Variants in NDRG4 observed in about 807,000 individuals in gnomAD.
NDRG4 encodes protein NDRG4.
In NDRG4, 38 loss-of-function variants were observed where a neutral mutation model predicts 55.8. The ratio of observed to expected loss-of-function variants is 0.68; its 90% CI spans 0.53 to 0.89. The LOEUF is 0.89. NDRG4 is among the 40% of genes least tolerant of loss of function. The pLI is 0.00. For synonymous variants in NDRG4, 190 were observed against 182.7 expected (o/e 1.04, Z -0.32); for missense variants, 455 against 468.6 (o/e 0.97, Z 0.27).
At chr16:58,500,034 G>T, upstream of NDRG4, 2 of 1,362,982 alleles carry the variant, frequency 1.5e-6, no homozygotes, top group Non-Finnish European at 1.9e-6. Context: ...CAATATGGGA[G>T]CTGGGGCTCC....
At chr16:58,500,071 C>A (rs2036869893), upstream of NDRG4, 1 of 1,478,760 alleles carries the variant, frequency 6.8e-7, no homozygotes, top group Non-Finnish European at 9.0e-7. Context: ...GCTCAGAAAC[C>A]CTGCGGGGAG....
At chr16:58,476,752 G>T (rs1385749022) in intron 1 of NDRG4, among the ~76,000 whole-genome samples, 1 of 152,132 alleles carries the variant, frequency 6.6e-6, no homozygotes, top group South Asian at 2.1e-4. Flanking sequence ...GAGATTAAGA[G>T]ACATTGGACT....
At chr16:58,510,389 A>C (rs2038645359) in intron 13 of NDRG4, among the ~76,000 whole-genome samples, 1 of 152,220 alleles carries the variant, frequency 6.6e-6, no homozygotes, top group East Asian at 1.9e-4. Flanking sequence ...ACTGAGGCCT[A>C]GGAGAATGGT....
intron 2 of NDRG4, chr16:58,494,890 TCTG>T: frequency 7.8e-7 from 1 of 1,283,914 alleles, no homozygotes; most frequent in Non-Finnish European, 1.1e-6. Flanking sequence ...AGAAATTGAG[TCTG>T]CTAAGGCCCC....
intron 1 of NDRG4, 149 bp downstream of exon 1, chr16:58,500,418 C>G (rs1327007124): frequency 1.9e-6 from 2 of 1,070,248 alleles, no homozygotes; most frequent in Non-Finnish European, 2.6e-6. Flanking sequence ...GAGACACGGC[C>G]AGAGTGCTCC....
intron 13 of NDRG4, 53 bp downstream of exon 13, chr16:58,509,405 G>C: frequency 6.3e-7 from 1 of 1,588,498 alleles, no homozygotes; most frequent in Admixed American, 1.7e-5. Context: ...TGGGCAGGCA[G>C]TGCTGGGGTT....
rs2039010936 is a variant in NDRG4, at chr16:58,513,540, T to A, written c.*1964T>A. On this transcript the variant is annotated 3_prime_UTR_variant, in exon 15 of 15. Coordinates refer to ENST00000570248, the MANE Select transcript of NDRG4 (RefSeq NM_001242835.2). ...GCTAGGAGAGGATGGTCTCCACCCA[T>A]CTTTCTATTTCCAGTACACGTCACA... 2 of 151,984 alleles carry A rather than the reference T, an allele frequency of 1.3e-5. No individual in the cohort carries two copies. The highest frequency in any genetic ancestry group is 2.9e-5 in the Non-Finnish European group (2 of 67,992). The allele number at this position is 151,984 out of a possible 1,614,324, so 9.4% of individuals were successfully genotyped here.
chr16:58,466,641 T>G (rs1023337416), intron 1 of NDRG4, among the ~76,000 whole-genome samples: 10 of 152,234 alleles, frequency 6.6e-5, no homozygotes, highest in African/African-American at 2.4e-4. Context: ...AACCTGGCCC[T>G]GGGAGACAAC....
intron 2 of NDRG4, 70 bp downstream of exon 2, chr16:58,503,973 C>G (rs777869296): frequency 1.3e-6 from 2 of 1,568,762 alleles, no homozygotes; most frequent in Non-Finnish European, 1.7e-6. Flanking sequence ...GCCCCCCACC[C>G]TCCCCACAGG....
chr16:58,487,556 T>C (rs906333820), intron 1 of NDRG4, among the ~76,000 whole-genome samples: 3 of 152,110 alleles, frequency 2.0e-5, no homozygotes, highest in Non-Finnish European at 4.4e-5. Context: ...ACAAATACTA[T>C]AATGGTATCC....
upstream of NDRG4, among the ~76,000 whole-genome samples, chr16:58,496,696 G>A (rs1049065750): frequency 1.3e-5 from 2 of 152,088 alleles, no homozygotes; most frequent in South Asian, 2.1e-4. Flanking sequence ...CGGACCTCCC[G>A]AGTGTTTCTA....
chr16:58,482,689 CTTCCTTCCTCCCTCCCTCCT>C (rs1202625290), intron 1 of NDRG4, among the ~76,000 whole-genome samples: 15 of 138,274 alleles, frequency 1.1e-4, no homozygotes, highest in African/African-American at 4.2e-4. Context: ...TCCTCCCTCC[CTTCCTTCCTCCCTCCCTCCT>C]TTCCTTCCTC....
At chr16:58,474,641 C>T (rs2033380922) in intron 1 of NDRG4, among the ~76,000 whole-genome samples, 1 of 152,142 alleles carries the variant, frequency 6.6e-6, no homozygotes, top group Non-Finnish European at 1.5e-5. Flanking sequence ...CCTCCAGCAC[C>T]CAGAAAGCTC....
chr16:58,468,839 T>C (rs2032237209), intron 1 of NDRG4, among the ~76,000 whole-genome samples: 1 of 152,176 alleles, frequency 6.6e-6, no homozygotes, highest in South Asian at 2.1e-4. Flanking sequence ...GGTAGCCGGA[T>C]GATTTTTTTA....
At chr16:58,498,092 T>C (rs2036610050), upstream of NDRG4, among the ~76,000 whole-genome samples, 1 of 152,020 alleles carries the variant, frequency 6.6e-6, no homozygotes, top group Admixed American at 6.6e-5. Context: ...GCAGGTCAGC[T>C]TGTCACCTGG....
At chr16:58,509,931 C>T (rs946711430) in intron 13 of NDRG4, among the ~76,000 whole-genome samples, 1 of 147,518 alleles carries the variant, frequency 6.8e-6, no homozygotes, top group Admixed American at 7.1e-5. Context: ...ACCAGGTACA[C>T]ACACACAGAC....
At chr16:58,496,272 G>A (rs937187177), upstream of NDRG4, among the ~76,000 whole-genome samples, 2 of 151,924 alleles carry the variant, frequency 1.3e-5, no homozygotes, top group Non-Finnish European at 2.9e-5. Flanking sequence ...TCTGGCCCCT[G>A]AGCCCTCTGA....
chr16:58,506,299 TCAG>T (rs751116430), intron 5 of NDRG4, 85 bp from the exon 6 acceptor site: 2 of 1,332,110 alleles, frequency 1.5e-6, no homozygotes, highest in African/African-American at 2.9e-5. Flanking sequence ...GGGTGGCTGA[TCAG>T]CAGCACCTTG....
intron 1 of NDRG4, 174 bp downstream of exon 1, chr16:58,500,443 T>G: frequency 1.3e-6 from 1 of 793,670 alleles, no homozygotes. Flanking sequence ...TCCCTGGTGA[T>G]CCTGTTTGCA....
Sources: gnomAD v4.1 joint callset for allele counts (sites outside exome capture counted in the v4.1 genomes callset) on GRCh38, gnomAD v4.1.1 for gene constraint, MANE v1.5 for transcripts, NCBI Gene and HGNC (gene_info 2026-07-23, HGNC 2026-07-21) for gene names.